Variants in ZNF79 observed in about 807,000 individuals in gnomAD.
ZNF79 encodes the protein zinc finger protein 79.
A neutral mutation model predicts 14.9 loss-of-function variants in ZNF79; 13 were observed. The observed-to-expected ratio is 0.87, with a 90% CI of 0.57 to 1.38. The LOEUF (loss-of-function observed/expected upper bound fraction) is 1.38, where lower values mean the gene tolerates loss of function less well. Among genes scored for constraint, ZNF79 ranks in the 40% most tolerant of loss-of-function variants. ZNF79 has a pLI of 0.00. For missense variants in ZNF79, 631 were observed against 630.6 expected (o/e 1.00, Z -0.01); for synonymous variants, 223 against 235.1 (o/e 0.95, Z 0.47).
At position 127,439,115 on chromosome 9, in the gene ZNF79, A is replaced by G. The variant is rs373288608; in HGVS notation, c.328+3112A>G. On this transcript the variant is annotated intron_variant, in intron 4 of 4. Coordinates refer to ENST00000342483, the MANE Select transcript of ZNF79 (RefSeq NM_007135.3). ...CGACTAAGCGAGACTCTGTCACAAA[A>G]AAAAAGAAAAAGAAAGACTGTAGCA... Among the ~76,000 whole-genome samples the G allele has an allele frequency of 8.9e-4, 136 of 152,086 alleles. 1 individual carries two copies. The highest frequency in any genetic ancestry group is 3.2e-3 in the African/African-American group (133 of 41,488).
intron 2 of ZNF79, among the ~76,000 whole-genome samples, chr9:127,434,399 T>A (rs1183883714): frequency 6.6e-6 from 1 of 152,234 alleles, no homozygotes; most frequent in Non-Finnish European, 1.5e-5. Context: ...ATCTTTCACA[T>A]TTCTTTGATA....
intron 4 of ZNF79, among the ~76,000 whole-genome samples, chr9:127,439,577 C>T (rs933181956): frequency 6.6e-6 from 1 of 152,160 alleles, no homozygotes; most frequent in East Asian, 1.9e-4. Context: ...TACCCTACCC[C>T]TCCCAAGTGA....
Position 127,434,904 on chromosome 9 carries a change from T to C in ZNF79, c.106-186T>C, listed in dbSNP as rs80307715. Among the ~76,000 whole-genome samples the C allele has an allele frequency of 6.1e-3, 931 of 152,256 alleles. 41 individuals are homozygous for C. The East Asian group carries it at 0.13, about 21-fold the overall frequency. On this transcript the variant is annotated intron_variant, in intron 2 of 4. Coordinates refer to ENST00000342483, the MANE Select transcript of ZNF79 (RefSeq NM_007135.3). ...CCTCAAGTGATCCGCCTGCCTCACC[T>C]CTTGGCCTCCCAAGGCGCTGGGAGT...
intron 1 of ZNF79, 131 bp downstream of exon 1, chr9:127,424,934 CT>C: frequency 6.5e-7 from 1 of 1,535,778 alleles, no homozygotes; most frequent in Non-Finnish European, 8.8e-7. Flanking sequence ...ATCATTTTTT[CT>C]TTCTTTGCCC....
intron 2 of ZNF79, among the ~76,000 whole-genome samples, chr9:127,431,992 A>G (rs910355992): frequency 6.6e-6 from 1 of 152,152 alleles, no homozygotes; most frequent in Non-Finnish European, 1.5e-5. Flanking sequence ...ACGTAGTCCT[A>G]TGAGAGTAGG....
chr9:127,441,795 A>G lies in ZNF79; in HGVS notation c.329-2234A>G, dbSNP rs374061370. 5.3e-5 allele frequency among the ~76,000 whole-genome samples: 8 copies of G among 152,260 alleles called. No individual in the cohort carries two copies. The South Asian group carries it at 8.3e-4, about 16-fold the overall frequency. On this transcript the variant is annotated intron_variant, in intron 4 of 4. Coordinates refer to ENST00000342483, the MANE Select transcript of ZNF79 (RefSeq NM_007135.3). ...CCTGTCTCTACTAAAAATCCAAAAAATTAGCCGGGCGTGGTGGCGGGAGCC... is the reference window on the plus strand; with the variant it reads ...CCTGTCTCTACTAAAAATCCAAAAAGTTAGCCGGGCGTGGTGGCGGGAGCC...
At chr9:127,434,069 T>A (rs1307498384) in intron 2 of ZNF79, among the ~76,000 whole-genome samples, 2 of 152,188 alleles carry the variant, frequency 1.3e-5, no homozygotes, top group East Asian at 3.8e-4. Flanking sequence ...ACAACCTTTC[T>A]ACCACTCTTC....
chr9:127,424,662 G>T lies in ZNF79; in HGVS notation c.-126G>T, dbSNP rs760811667. The T allele has an allele frequency of 2.6e-5, 38 of 1,452,668 alleles. No individual in the cohort carries two copies. The highest frequency in any genetic ancestry group is 3.6e-5 in the Non-Finnish European group (38 of 1,052,640). The allele number at this position is 1,452,668 out of a possible 1,614,324, so 90.0% of individuals were successfully genotyped here. A position where few individuals can be genotyped will look rare whatever the true frequency, so the allele number is the denominator to read the frequency against. Reference sequence around the variant, plus strand: ...TCAGACCGTGCCTCTGCGGGGAGAGGCTGGAGAGGAAGAGTCCGGCCTGGG... The same window carrying T: ...TCAGACCGTGCCTCTGCGGGGAGAGTCTGGAGAGGAAGAGTCCGGCCTGGG... On this transcript the variant is annotated 5_prime_UTR_variant, in exon 1 of 5. Transcript: ENST00000342483.
chr9:127,427,822 TTTC>T (rs1458160776), intron 1 of ZNF79, among the ~76,000 whole-genome samples: 1 of 152,018 alleles, frequency 6.6e-6, no homozygotes, highest in Non-Finnish European at 1.5e-5. Context: ...GCCTCTTCAC[TTTC>T]TTGACAGAGC....
chr9:127,427,691 G>A (rs377416175), intron 1 of ZNF79, among the ~76,000 whole-genome samples: 13 of 151,780 alleles, frequency 8.6e-5, no homozygotes, highest in East Asian at 5.9e-4. Flanking sequence ...GCAGGCATGC[G>A]CCACCACGGC....
intron 3 of ZNF79, 140 bp downstream of exon 3, chr9:127,435,356 G>A: frequency 9.7e-7 from 1 of 1,029,512 alleles, no homozygotes; most frequent in Non-Finnish European, 1.3e-6. Flanking sequence ...CTTGGGGAAG[G>A]TCTCTGCATG....
chr9:127,439,111 C>CAAAAAAAAAG (rs57224126), intron 4 of ZNF79, among the ~76,000 whole-genome samples: 9 of 145,580 alleles, frequency 6.2e-5, no homozygotes, highest in Admixed American at 1.4e-4. Flanking sequence ...GACTCTGTCA[C>CAAAAAAAAAG]AAAAAAAAAG....
chr9:127,438,778 T>C (rs1362605370), intron 4 of ZNF79, among the ~76,000 whole-genome samples: 2 of 152,154 alleles, frequency 1.3e-5, no homozygotes. Flanking sequence ...AGAGAGATTC[T>C]GTTTCTGAGG....
rs1417039222 is a variant in ZNF79 at position 127,424,611 on chromosome 9, A to G, written c.-177A>G. 2 of 871,246 alleles carry G rather than the reference A, an allele frequency of 2.3e-6. No homozygotes were observed. Among genetic ancestry groups the G allele is most frequent in the East Asian group, 2.7e-5 (1 of 36,862 alleles). 54.0% of individuals were successfully genotyped at this position (871,246 alleles called of 1,614,324 possible). The stretch of plus-strand genomic sequence containing the variant: ...AACACCCGGCTGGGCAGGCCCGGAC[A>G]GCTCCCGCGACCCAGCACCGCAGGA... On this transcript the variant is annotated 5_prime_UTR_variant, in exon 1 of 5. Coordinates refer to ENST00000342483, the MANE Select transcript of ZNF79 (RefSeq NM_007135.3).
In ZNF79 at chr9:127,444,876, C is replaced by T. The variant is rs367978985; in HGVS notation, c.1176C>T (p.Ser392=). The change falls in exon 5 of 5, where the codon AGC becomes AGT. Residue 392 remains serine (S), a synonymous_variant. Coordinates refer to ENST00000342483, the MANE Select transcript of ZNF79 (RefSeq NM_007135.3). ...THTGEKPYKC[S]ECGKAFSQST... is the part of the protein sequence containing the mutation. ...CTGGGGAGAAACCCTACAAGTGCAG[C>T]GAGTGTGGGAAGGCCTTCAGCCAGA... 8.1e-6 allele frequency: 13 copies of T among 1,613,370 alleles called. No individual in the cohort carries two copies. In the African/African-American group the frequency reaches 1.3e-4, roughly 17 times the overall value.
chr9:127,442,031 T>A (rs1834057965), intron 4 of ZNF79, among the ~76,000 whole-genome samples: 1 of 151,876 alleles, frequency 6.6e-6, no homozygotes, highest in Non-Finnish European at 1.5e-5. Flanking sequence ...GCAGGAAAAT[T>A]GCTTGAACCC....
At chr9:127,440,008 A>C (rs1202877135) in intron 4 of ZNF79, among the ~76,000 whole-genome samples, 1 of 151,980 alleles carries the variant, frequency 6.6e-6, no homozygotes, top group Admixed American at 6.6e-5. Flanking sequence ...GACTACAGGC[A>C]CCCACCACCA....
At chr9:127,438,628 C>T (rs941115784) in intron 4 of ZNF79, among the ~76,000 whole-genome samples, 1 of 152,174 alleles carries the variant, frequency 6.6e-6, no homozygotes, top group Admixed American at 6.5e-5. Flanking sequence ...CCTGTCCGTG[C>T]GGATTCTTCC....
chr9:127,442,564 G>A (rs1381577081), intron 4 of ZNF79, among the ~76,000 whole-genome samples: 9 of 152,104 alleles, frequency 5.9e-5, no homozygotes, highest in Admixed American at 5.9e-4. Flanking sequence ...GCTGTACATA[G>A]ACTTTAGAAA....
Sources: gnomAD v4.1 joint callset for allele counts (sites outside exome capture counted in the v4.1 genomes callset) on GRCh38, gnomAD v4.1.1 for gene constraint, MANE v1.5 for transcripts, NCBI Gene and HGNC (gene_info 2026-07-23, HGNC 2026-07-21) for gene names.